KCNIP1: variants seen among roughly 807,000 people sequenced by gnomAD.
The protein encoded by KCNIP1 is potassium voltage-gated channel interacting protein 1.
In KCNIP1, 18 loss-of-function variants were observed where a neutral mutation model predicts 33.0. That is an observed-to-expected ratio of 0.55 (90% CI 0.38 to 0.81). The LOEUF is 0.81. Ranked by LOEUF, KCNIP1 falls within the 30% of genes least tolerant of loss-of-function variation. The probability of loss-of-function intolerance (pLI) is 0.00; values close to 1 mark genes in which losing one functional copy is unlikely to be tolerated. For synonymous variants in KCNIP1, 93 were observed against 98.3 expected, an observed-to-expected ratio of 0.95 and a Z score of 0.32; for missense variants, 238 against 271.6, an observed-to-expected ratio of 0.88 and a Z score of 0.87.
intron 1 of KCNIP1, among the ~76,000 whole-genome samples, chr5:170,397,526 G>A (rs115175284): frequency 4.6e-5 from 7 of 152,132 alleles, no homozygotes; most frequent in African/African-American, 1.7e-4. Flanking sequence ...TATTTGTAGG[G>A]GTCTGAAAGG....
intron 1 of KCNIP1, among the ~76,000 whole-genome samples, chr5:170,482,356 T>C (rs539989089): frequency 6.6e-6 from 1 of 152,270 alleles, no homozygotes. Flanking sequence ...TATTTATCAA[T>C]AAGAATAATA....
rs549391014 is a variant in KCNIP1 at position 170,367,435 on chromosome 5, A to G, written c.88+13471A>G. On this transcript the variant is annotated intron_variant, in intron 1 of 7. Coordinates refer to the KCNIP1 transcript ENST00000377360. The stretch of plus-strand genomic sequence containing the variant: ...AAAGAAAGAAAGGAAAGAAAGAAAG[A>G]AAGGAAAGAAAGGAAAGAAAGAAAG... 8.0e-3 allele frequency among the ~76,000 whole-genome samples: 1,175 copies of G among 147,300 alleles called. 15 individuals carry two copies. The highest frequency in any genetic ancestry group is 0.013 in the Non-Finnish European group (874 of 65,914).
chr5:170,463,381 TACAG>T (rs1756546560), intron 1 of KCNIP1, among the ~76,000 whole-genome samples: 1 of 152,128 alleles, frequency 6.6e-6, no homozygotes, highest in South Asian at 2.1e-4. Context: ...CAAAGAAAAC[TACAG>T]ACCAATACTG....
chr5:170,503,747 CACACACACACACACACAT>C (rs1223176798), upstream of KCNIP1, among the ~76,000 whole-genome samples: 1 of 145,862 alleles, frequency 6.9e-6, no homozygotes. Context: ...CACACACACA[CACACACACACACACACAT>C]ACACACACAC....
At chr5:170,614,266 G>A (rs183081495) in intron 1 of KCNIP1, among the ~76,000 whole-genome samples, 121 of 152,362 alleles carry the variant, frequency 7.9e-4, no homozygotes, top group African/African-American at 2.8e-3. Context: ...AAGGAATGCT[G>A]TAAACACAGT....
chr5:170,434,560 G>A (rs916452221), intron 1 of KCNIP1, among the ~76,000 whole-genome samples: 1 of 152,160 alleles, frequency 6.6e-6, no homozygotes, highest in African/African-American at 2.4e-5. Context: ...GGAAGCTGCT[G>A]TCTTTCCTGG....
chr5:170,635,315 C>A (rs536391207), intron 1 of KCNIP1, among the ~76,000 whole-genome samples: 4 of 152,316 alleles, frequency 2.6e-5, no homozygotes, highest in African/African-American at 9.6e-5. Flanking sequence ...CAGGAGTGAG[C>A]CATCACGCCC....
intron 1 of KCNIP1, among the ~76,000 whole-genome samples, chr5:170,628,595 T>C (rs1423552696): frequency 6.6e-6 from 1 of 152,108 alleles, no homozygotes; most frequent in Non-Finnish European, 1.5e-5. Context: ...AAATATGTGA[T>C]CCAGAAGGCG....
intron 1 of KCNIP1, among the ~76,000 whole-genome samples, chr5:170,527,661 C>T (rs1394265787): frequency 1.3e-5 from 2 of 150,880 alleles, no homozygotes; most frequent in Non-Finnish European, 2.9e-5. Context: ...AGTGATTTTG[C>T]TTAGGTACAA....
chr5:170,652,482 T>TA (rs140299038), intron 1 of KCNIP1, among the ~76,000 whole-genome samples: 3,367 of 109,754 alleles, frequency 0.031, 80 homozygotes, highest in Non-Finnish European at 0.045. Flanking sequence ...GAGACCCTAT[T>TA]AAAAAAAAAA....
At chr5:170,546,422 C>T (rs1367383708) in intron 1 of KCNIP1, among the ~76,000 whole-genome samples, 1 of 152,184 alleles carries the variant, frequency 6.6e-6, no homozygotes, top group Admixed American at 6.5e-5. Context: ...AGTCACTTGG[C>T]TTCTTATATT....
At chr5:170,636,587 C>T (rs1166398964) in intron 1 of KCNIP1, among the ~76,000 whole-genome samples, 3 of 152,124 alleles carry the variant, frequency 2.0e-5, no homozygotes, top group Non-Finnish European at 4.4e-5. Flanking sequence ...CTTCCTGATC[C>T]GAGCCCTCTG....
At chr5:170,415,389 TCCTGTG>T (rs1755300563) in intron 1 of KCNIP1, among the ~76,000 whole-genome samples, 1 of 152,172 alleles carries the variant, frequency 6.6e-6, no homozygotes, top group Admixed American at 6.5e-5. Context: ...GGGGGGACTC[TCCTGTG>T]TGCTGTGACA....
intron 1 of KCNIP1, among the ~76,000 whole-genome samples, chr5:170,380,463 C>T (rs911254700): frequency 2.0e-5 from 3 of 152,244 alleles, no homozygotes; most frequent in African/African-American, 7.2e-5. Context: ...CTCGGCCACT[C>T]CCTGGATTTA....
At chr5:170,394,251 C>G (rs9313502) in intron 1 of KCNIP1, among the ~76,000 whole-genome samples, 17,875 of 152,200 alleles carry the variant, frequency 0.12, 2,514 homozygotes, top group African/African-American at 0.34. Context: ...GGAAGCTCTG[C>G]TTCCGCATGC....
intron 1 of KCNIP1, among the ~76,000 whole-genome samples, chr5:170,415,662 A>T (rs1755308097): frequency 6.6e-6 from 1 of 152,106 alleles, no homozygotes; most frequent in Non-Finnish European, 1.5e-5. Context: ...GTCTCCAAGG[A>T]GCTCTCTGAT....
At chr5:170,649,249 A>G (rs1287158234) in intron 1 of KCNIP1, among the ~76,000 whole-genome samples, 3 of 152,208 alleles carry the variant, frequency 2.0e-5, no homozygotes, top group Admixed American at 6.5e-5. Flanking sequence ...ACTGGAATCA[A>G]TTTAAACAGC....
intron 1 of KCNIP1, among the ~76,000 whole-genome samples, chr5:170,402,640 A>G (rs1171876561): frequency 6.6e-6 from 1 of 152,150 alleles, no homozygotes; most frequent in Non-Finnish European, 1.5e-5. Flanking sequence ...GAAGTGACAT[A>G]CGTTACTGAT....
chr5:170,682,701 C>T (rs1489373506), intron 1 of KCNIP1, among the ~76,000 whole-genome samples: 1 of 149,356 alleles, frequency 6.7e-6, no homozygotes, highest in African/African-American at 2.4e-5. Context: ...TTCAAGAGAA[C>T]ATGTTCCATT....
Sources: gnomAD v4.1 joint callset for allele counts (sites outside exome capture counted in the v4.1 genomes callset) on GRCh38, gnomAD v4.1.1 for gene constraint, MANE v1.5 for transcripts, NCBI Gene and HGNC (gene_info 2026-07-23, HGNC 2026-07-21) for gene names.